Variants in MTHFD2 observed in about 807,000 individuals in gnomAD.
MTHFD2 encodes bifunctional methylenetetrahydrofolate dehydrogenase/cyclohydrolase, mitochondrial.
MTHFD2 carries 26 observed loss-of-function variants against 36.8 expected under a neutral mutation model. The observed-to-expected ratio is 0.71, with a 90% CI of 0.52 to 0.98. The LOEUF (loss-of-function observed/expected upper bound fraction) is 0.98, where lower values mean the gene tolerates loss of function less well. Ranked by LOEUF, MTHFD2 falls within the 50% of genes least tolerant of loss-of-function variation. The pLI, the probability that MTHFD2 is intolerant of heterozygous loss-of-function variation, is 0.00. For synonymous variants in MTHFD2, 164 were observed against 155.2 expected (o/e 1.06, Z -0.42); for missense variants, 373 against 434.0 (o/e 0.86, Z 1.25).
rs1694312463 is a variant in MTHFD2 at position 74,211,901 on chromosome 2, C to CAATA, written c.889+40_889+43dup. On this transcript the variant is annotated intron_variant, in intron 7 of 7. Coordinates refer to ENST00000394053, the MANE Select transcript of MTHFD2 (RefSeq NM_006636.4). ...GAAATTTTATTTTTAAAAATGAAAT[C>CAATA]AATAAATACTACCTTTCATGGACAT... 5.3e-6 allele frequency: 7 copies of CAATA among 1,319,828 alleles called. No homozygotes were observed. In the East Asian group the frequency reaches 1.9e-4, roughly 36 times the overall value. 81.8% of individuals were successfully genotyped at this position (1,319,828 alleles called of 1,614,324 possible). A position where few individuals can be genotyped will look rare whatever the true frequency, so the allele number is the denominator to read the frequency against.
chr2:74,212,257 CTTTCTCTTTTT>C (rs1694324315), intron 7 of MTHFD2, among the ~76,000 whole-genome samples: 1 of 57,476 alleles, frequency 1.7e-5, no homozygotes, highest in African/African-American at 8.1e-5. Flanking sequence ...TCCTTCGTTT[CTTTCTCTTTTT>C]TTTTTTTTTT....
rs1182393334 is a variant in MTHFD2, at chr2:74,216,477, CAT to C, written c.*2237_*2238del. 2 of 152,198 alleles carry C rather than the reference CAT, an allele frequency of 1.3e-5. No individual in the cohort carries two copies. Among genetic ancestry groups the C allele is most frequent in the African/African-American group, 4.8e-5 (2 of 41,454 alleles). 9.4% of individuals were successfully genotyped at this position (152,198 alleles called of 1,614,324 possible). A position where few individuals can be genotyped will look rare whatever the true frequency, so the allele number is the denominator to read the frequency against. The stretch of plus-strand genomic sequence containing the variant: ...AATCAAGCAGGTTTACTCTTGAATC[CAT>C]AGCATTTCTACAATTTAATTTGGAC... On this transcript the variant is annotated 3_prime_UTR_variant, in exon 8 of 8. Coordinates refer to ENST00000394053, the MANE Select transcript of MTHFD2 (RefSeq NM_006636.4).
intron 1 of MTHFD2, among the ~76,000 whole-genome samples, chr2:74,201,344 G>C (rs1038396368): frequency 4.0e-5 from 6 of 151,744 alleles, no homozygotes; most frequent in Non-Finnish European, 7.4e-5. Flanking sequence ...ATCTTAATGG[G>C]ATTTTTTTCT....
In MTHFD2 at chr2:74,207,919, T is replaced by C. The variant is rs889478376; in HGVS notation, c.409+93T>C. On this transcript the variant is annotated intron_variant, in intron 3 of 7. Coordinates refer to ENST00000394053, the MANE Select transcript of MTHFD2 (RefSeq NM_006636.4). ...CTCTCCCTCCCCATCCCCCTCCTCCTCCCTCTCCTTTCCTTGTCTCACTCT... is the reference window on the plus strand; with the variant it reads ...CTCTCCCTCCCCATCCCCCTCCTCCCCCCTCTCCTTTCCTTGTCTCACTCT... 1.5e-4 allele frequency: 187 copies of C among 1,255,058 alleles called. 1 individual carries two copies. The Admixed American group carries it at 3.8e-3, about 26-fold the overall frequency. The allele number at this position is 1,255,058 out of a possible 1,614,324, so 77.7% of individuals were successfully genotyped here.
At chr2:74,202,821 C>T (rs1012948135) in intron 1 of MTHFD2, among the ~76,000 whole-genome samples, 2 of 151,930 alleles carry the variant, frequency 1.3e-5, no homozygotes, top group Non-Finnish European at 2.9e-5. Flanking sequence ...CCACCATGCC[C>T]GGCCTGCAAA....
At chr2:74,210,751 C>A in intron 5 of MTHFD2, among the ~76,000 whole-genome samples, 1 of 148,418 alleles carries the variant, frequency 6.7e-6, no homozygotes, top group Non-Finnish European at 1.5e-5. Context: ...TGACAATTAG[C>A]TGTTCAGAAA....
chr2:74,210,366 T>C (rs376648403), intron 5 of MTHFD2, among the ~76,000 whole-genome samples: 9 of 152,356 alleles, frequency 5.9e-5, no homozygotes, highest in African/African-American at 1.7e-4. Flanking sequence ...TATTCAAAGA[T>C]ACTGTGTCAT....
intron 6 of MTHFD2, 74 bp from the exon 7 acceptor site, chr2:74,211,661 CTTGAAA>C: frequency 7.2e-7 from 1 of 1,385,958 alleles, no homozygotes. Context: ...TTCAGGGTCT[CTTGAAA>C]TTGAAGTTAG....
In MTHFD2 at chr2:74,198,636, C is replaced by T. The variant is rs775325941; in HGVS notation, c.-6C>T. On this transcript the variant is annotated 5_prime_UTR_variant, in exon 1 of 8. Transcript: ENST00000394053. The stretch of plus-strand genomic sequence containing the variant: ...TTCCCTCCCGGCGCAGTCACCGGCG[C>T]GGTCTATGGCTGCGACTTCTCTAAT... 2 of 1,599,364 alleles carry T rather than the reference C, an allele frequency of 1.3e-6. No homozygotes were observed. The highest frequency in any genetic ancestry group is 1.7e-6 in the Non-Finnish European group (2 of 1,172,602).
chr2:74,205,184 A>G (rs1274731954), intron 1 of MTHFD2, among the ~76,000 whole-genome samples: 2 of 152,216 alleles, frequency 1.3e-5, no homozygotes, highest in African/African-American at 2.4e-5. Flanking sequence ...CATAAAAATG[A>G]AGTCAGTTGA....
In MTHFD2 at chr2:74,215,456, T is replaced by G. The variant is rs1419059465; in HGVS notation, c.*1214T>G. On this transcript the variant is annotated 3_prime_UTR_variant, in exon 8 of 8. Coordinates refer to ENST00000394053, the MANE Select transcript of MTHFD2 (RefSeq NM_006636.4). ...TTTTTTTTTTGTAGAGATGGGGTCT[T>G]GCTATGTTGCCTGGGCTGGTATTGA... 2 of 151,116 alleles carry G rather than the reference T, an allele frequency of 1.3e-5. No homozygotes were observed. Among genetic ancestry groups the G allele is most frequent in the African/African-American group, 4.9e-5 (2 of 40,946 alleles). The allele number at this position is 151,116 out of a possible 1,614,324, so 9.4% of individuals were successfully genotyped here.
chr2:74,213,955 T>G (rs752805113), intron 7 of MTHFD2, 124 bp from the exon 8 acceptor site: 20 of 1,018,214 alleles, frequency 2.0e-5, no homozygotes, highest in Non-Finnish European at 2.4e-5. Context: ...GATGTAGATG[T>G]GATTTTTGAG....
chr2:74,204,691 G>A (rs369156021), intron 1 of MTHFD2, among the ~76,000 whole-genome samples: 5 of 152,192 alleles, frequency 3.3e-5, no homozygotes, highest in Admixed American at 2.6e-4. Flanking sequence ...CCTGGGAAGA[G>A]CACATTGCCA....
chr2:74,211,153 C>A (rs2103830883), intron 5 of MTHFD2, 46 bp from the exon 6 acceptor site: 2 of 1,283,172 alleles, frequency 1.6e-6, no homozygotes, highest in Non-Finnish European at 2.3e-6. Flanking sequence ...CTAATCCAAT[C>A]CCAGCTTTGT....
chr2:74,211,696 G>C, intron 6 of MTHFD2, 45 bp from the exon 7 acceptor site: 1 of 1,540,136 alleles, frequency 6.5e-7, no homozygotes, highest in Non-Finnish European at 8.8e-7. Context: ...CTGACAGGTA[G>C]ACTGTTTTCA....
chr2:74,204,418 C>T (rs1694131309), intron 1 of MTHFD2, among the ~76,000 whole-genome samples: 1 of 152,098 alleles, frequency 6.6e-6, no homozygotes, highest in Admixed American at 6.6e-5. Context: ...CTTCTTGCTC[C>T]CCACCTCAGC....
At chr2:74,213,969 T>C in intron 7 of MTHFD2, 110 bp from the exon 8 acceptor site, 1 of 1,224,568 alleles carries the variant, frequency 8.2e-7, no homozygotes, top group Non-Finnish European at 1.1e-6. Context: ...TTTTGAGTTT[T>C]ATGCTTATGT....
chr2:74,200,001 A>G (rs777827702), intron 1 of MTHFD2, among the ~76,000 whole-genome samples: 5 of 152,270 alleles, frequency 3.3e-5, no homozygotes, highest in South Asian at 2.1e-4. Flanking sequence ...TTCTTAATGG[A>G]GCTCATGTTC....
At chr2:74,201,765 G>C (rs1375328604) in intron 1 of MTHFD2, among the ~76,000 whole-genome samples, 1 of 152,166 alleles carries the variant, frequency 6.6e-6, no homozygotes, top group Non-Finnish European at 1.5e-5. Context: ...TTTATTTTGG[G>C]GTAGCAGTTA....
Sources: gnomAD v4.1 joint callset for allele counts (sites outside exome capture counted in the v4.1 genomes callset) on GRCh38, gnomAD v4.1.1 for gene constraint, MANE v1.5 for transcripts, NCBI Gene and HGNC (gene_info 2026-07-23, HGNC 2026-07-21) for gene names.